CTDSPL2: variants seen among roughly 807,000 people sequenced by gnomAD.
CTDSPL2 encodes CTD small phosphatase like 2.
A neutral mutation model predicts 60.0 loss-of-function variants in CTDSPL2; 5 were observed. The ratio of observed to expected loss-of-function variants is 0.08; its 90% confidence interval spans 0.04 to 0.18. CTDSPL2 has a LOEUF of 0.18. CTDSPL2 is among the 10% of genes least tolerant of loss of function. The pLI is 1.00. For synonymous variants in CTDSPL2, 186 were observed against 189.3 expected, an observed-to-expected ratio of 0.98 and a Z score of 0.14; for missense variants, 370 against 548.8, an observed-to-expected ratio of 0.67 and a Z score of 3.26.
At chr15:44,441,640 G>C (rs751204103) in intron 1 of CTDSPL2, among the ~76,000 whole-genome samples, 2 of 152,066 alleles carry the variant, frequency 1.3e-5, no homozygotes, top group Non-Finnish European at 2.9e-5. Flanking sequence ...CTTGCTTTCT[G>C]TCTCTCCTAG....
chr15:44,441,489 T>G (rs540195617), intron 1 of CTDSPL2, among the ~76,000 whole-genome samples: 1 of 152,370 alleles, frequency 6.6e-6, no homozygotes, highest in Non-Finnish European at 1.5e-5. Flanking sequence ...CCTTGTTATC[T>G]GTGTCTCTCA....
chr15:44,458,982 C>T lies in CTDSPL2; in HGVS notation c.-24-9C>T. ...ATTTTTTATTACATTTATTATTTTT[C>T]TCTTTTAGTTTTACATGTGGCACCC... On this transcript the variant is annotated splice_polypyrimidine_tract_variant and intron_variant, in intron 1 of 12. Transcript: ENST00000260327. The T allele has an allele frequency of 7.0e-7, 1 of 1,436,604 alleles. No individual in the cohort carries two copies. Among genetic ancestry groups the T allele is most frequent in the Non-Finnish European group, 9.3e-7 (1 of 1,080,492 alleles). The allele number at this position is 1,436,604 out of a possible 1,614,324, so 89.0% of individuals were successfully genotyped here. A position where few individuals can be genotyped will look rare whatever the true frequency, so the allele number is the denominator to read the frequency against.
intron 2 of CTDSPL2, among the ~76,000 whole-genome samples, chr15:44,481,826 G>A (rs1460370508): frequency 6.6e-6 from 1 of 152,160 alleles, no homozygotes; most frequent in Admixed American, 6.5e-5. Flanking sequence ...GCCTGCCTCG[G>A]CCTCCCAAAG....
intron 1 of CTDSPL2, among the ~76,000 whole-genome samples, chr15:44,441,715 G>GT (rs2080090897): frequency 6.6e-6 from 1 of 152,064 alleles, no homozygotes; most frequent in Non-Finnish European, 1.5e-5. Context: ...TCTCGGATGG[G>GT]TTTTTAAAAG....
chr15:44,455,919 G>A (rs981220848), intron 1 of CTDSPL2, among the ~76,000 whole-genome samples: 2 of 138,724 alleles, frequency 1.4e-5, no homozygotes, highest in African/African-American at 2.7e-5. Context: ...GCACAATCTC[G>A]GCTCACTGCA....
intron 10 of CTDSPL2, chr15:44,517,473 C>T (rs2081676568): frequency 6.6e-6 from 1 of 150,744 alleles, no homozygotes; most frequent in Non-Finnish European, 1.5e-5. Flanking sequence ...GTGGGAGACT[C>T]CGTCTCAAAA....
chr15:44,432,650 C>G lies in CTDSPL2; in HGVS notation c.-25+4878C>G, dbSNP rs575660903. ...TTATTATTTTTTTGAAACAGAGTCT[C>G]GCTCTGTCTCCCAGGCTGCAGTGCA... On this transcript the variant is annotated intron_variant, in intron 1 of 12. Coordinates refer to ENST00000260327, the MANE Select transcript of CTDSPL2 (RefSeq NM_016396.3). Among the ~76,000 whole-genome samples the G allele has an allele frequency of 2.7e-5, 4 of 147,292 alleles. No individual in the cohort carries two copies. The East Asian group carries it at 8.2e-4, about 30-fold the overall frequency.
intron 2 of CTDSPL2, among the ~76,000 whole-genome samples, chr15:44,481,611 T>G (rs1340846306): frequency 6.6e-6 from 1 of 152,246 alleles, no homozygotes; most frequent in Non-Finnish European, 1.5e-5. Flanking sequence ...TTCACTCTTG[T>G]TGCCTAGGCT....
intron 2 of CTDSPL2, among the ~76,000 whole-genome samples, chr15:44,475,404 C>T (rs1015927278): frequency 1.6e-4 from 24 of 152,062 alleles, no homozygotes; most frequent in African/African-American, 5.3e-4. Context: ...TCTGGGAGGC[C>T]GAGGCAGGTG....
At chr15:44,454,466 A>G (rs1217380260) in intron 1 of CTDSPL2, among the ~76,000 whole-genome samples, 3 of 152,020 alleles carry the variant, frequency 2.0e-5, no homozygotes, top group African/African-American at 7.3e-5. Flanking sequence ...TTTTGTTGCC[A>G]TTGCTTTTGG....
intron 12 of CTDSPL2, among the ~76,000 whole-genome samples, chr15:44,521,967 G>C (rs1158705236): frequency 3.3e-5 from 4 of 122,102 alleles, no homozygotes; most frequent in Admixed American, 8.7e-5. Context: ...AAAAAAACAT[G>C]ATGATGATGA....
At chr15:44,474,366 C>T (rs530812511) in intron 2 of CTDSPL2, among the ~76,000 whole-genome samples, 2 of 152,282 alleles carry the variant, frequency 1.3e-5, no homozygotes, top group South Asian at 4.1e-4. Flanking sequence ...TGGTACACGC[C>T]TGTAGTCCCT....
In CTDSPL2 at chr15:44,514,498, C is replaced by T; in HGVS notation, c.970-100C>T. On this transcript the variant is annotated intron_variant, in intron 8 of 12. Coordinates refer to ENST00000260327, the MANE Select transcript of CTDSPL2 (RefSeq NM_016396.3). Reference sequence around the variant, plus strand: ...ATATTTCTATACTTTAAAACATGAACTTTTTCATTATAATCAAAGTTAGAA... The same window carrying T: ...ATATTTCTATACTTTAAAACATGAATTTTTTCATTATAATCAAAGTTAGAA... 4.0e-6 allele frequency: 3 copies of T among 754,342 alleles called. No individual in the cohort carries two copies. In the South Asian group the frequency reaches 4.8e-5, roughly 12 times the overall value. 46.7% of individuals were successfully genotyped at this position (754,342 alleles called of 1,614,324 possible).
At chr15:44,496,808 CTGT>C (rs2081308520) in intron 6 of CTDSPL2, among the ~76,000 whole-genome samples, 1 of 152,156 alleles carries the variant, frequency 6.6e-6, no homozygotes, top group South Asian at 2.1e-4. Flanking sequence ...TTACAGTGAC[CTGT>C]GATAGAGTGA....
chr15:44,430,980 C>T (rs2079844545), intron 1 of CTDSPL2, among the ~76,000 whole-genome samples: 1 of 152,028 alleles, frequency 6.6e-6, no homozygotes. Context: ...CGCCACCACA[C>T]CTGGCTAATT....
intron 2 of CTDSPL2, among the ~76,000 whole-genome samples, chr15:44,471,083 A>C (rs902209309): frequency 1.3e-5 from 2 of 152,246 alleles, no homozygotes; most frequent in African/African-American, 4.8e-5. Context: ...GTCATTATAG[A>C]GTTTCATAGG....
Position 44,489,120 on chromosome 15 carries a change from C to T in CTDSPL2, c.476-1664C>T, listed in dbSNP as rs537823984. On this transcript the variant is annotated intron_variant, in intron 4 of 12. Transcript: ENST00000260327. ...CACACAACCTCTCTCTCCACTCCCA[C>T]ATCTGTCTCTTCCCCCCTCCCCCCC... 3.1e-3 allele frequency among the ~76,000 whole-genome samples: 468 copies of T among 152,104 alleles called. 6 individuals carry two copies. Among genetic ancestry groups the T allele is most frequent in the Non-Finnish European group, 5.5e-3 (372 of 67,990 alleles).
At chr15:44,464,610 C>G (rs2080645658) in intron 2 of CTDSPL2, among the ~76,000 whole-genome samples, 1 of 152,200 alleles carries the variant, frequency 6.6e-6, no homozygotes. Context: ...CCCTCACACC[C>G]CTCACATGGT....
At chr15:44,455,750 C>T (rs540329666) in intron 1 of CTDSPL2, among the ~76,000 whole-genome samples, 11 of 151,390 alleles carry the variant, frequency 7.3e-5, no homozygotes, top group Non-Finnish European at 1.3e-4. Context: ...TTGAACCAGC[C>T]TTGCATCCCA....
Sources: gnomAD v4.1 joint callset for allele counts (sites outside exome capture counted in the v4.1 genomes callset) on GRCh38, gnomAD v4.1.1 for gene constraint, MANE v1.5 for transcripts, NCBI Gene and HGNC (gene_info 2026-07-23, HGNC 2026-07-21) for gene names.